Variants in FSTL4 observed in about 807,000 individuals in gnomAD.
The protein encoded by FSTL4 is follistatin-related protein 4.
A neutral mutation model predicts 78.2 loss-of-function variants in FSTL4; 28 were observed. The ratio of observed to expected loss-of-function variants is 0.36; its 90% CI spans 0.27 to 0.49. The LOEUF is 0.49. Among genes scored for constraint, FSTL4 ranks in the 20% least tolerant of loss-of-function variants. FSTL4 has a pLI of 0.98. For missense variants in FSTL4, 922 were observed against 1,084.9 expected (o/e 0.85, Z 2.11); for synonymous variants, 422 against 440.5 (o/e 0.96, Z 0.53).
intron 3 of FSTL4, among the ~76,000 whole-genome samples, chr5:133,458,599 C>T (rs999495148): frequency 2.6e-5 from 4 of 152,258 alleles, no homozygotes; most frequent in Admixed American, 1.3e-4. Flanking sequence ...CGTCCTTCTG[C>T]ATCTGGCAAG....
At chr5:133,304,494 A>G (rs914813856) in intron 6 of FSTL4, among the ~76,000 whole-genome samples, 2 of 152,212 alleles carry the variant, frequency 1.3e-5, no homozygotes, top group Non-Finnish European at 2.9e-5. Flanking sequence ...CCAAAGCTTC[A>G]TATTTTAATG....
chr5:133,797,369 T>G, the FSTL4 span, among the ~76,000 whole-genome samples: 2 of 152,244 alleles, frequency 1.3e-5, no homozygotes, highest in Non-Finnish European at 2.9e-5. Context: ...ATGTTTTGAA[T>G]TAAGATAAGG....
chr5:133,622,609 A>G, the FSTL4 span, among the ~76,000 whole-genome samples: 2 of 152,054 alleles, frequency 1.3e-5, no homozygotes, highest in Non-Finnish European at 2.9e-5. Flanking sequence ...TGTTGTCACT[A>G]TTTTTTATTT....
At chr5:133,341,244 T>TTA (rs1754574746) in intron 4 of FSTL4, among the ~76,000 whole-genome samples, 1 of 149,812 alleles carries the variant, frequency 6.7e-6, no homozygotes, top group Non-Finnish European at 1.5e-5. Flanking sequence ...TTTTTTTTTT[T>TTA]ACTTAGGGGA....
rs1228288714 is a variant in FSTL4 at position 133,593,911 on chromosome 5, T to C, written c.126+9947A>G. 5.2e-5 allele frequency among the ~76,000 whole-genome samples: 6 copies of C among 115,374 alleles called. No homozygotes were observed. The South Asian group carries it at 1.1e-3, about 22-fold the overall frequency. 75.7% of individuals were successfully genotyped at this position (115,374 alleles called of 152,430 possible). On this transcript the variant is annotated intron_variant, in intron 2 of 15. Coordinates refer to ENST00000265342, the MANE Select transcript of FSTL4 (RefSeq NM_015082.2). ...CTCCTACCTCCCACCCCCACCCCAATGGCCCTCAAGCCTCAAGGATAGAAT... is the reference window on the plus strand; with the variant it reads ...CTCCTACCTCCCACCCCCACCCCAACGGCCCTCAAGCCTCAAGGATAGAAT...
At chr5:133,825,347 T>C in the FSTL4 span, among the ~76,000 whole-genome samples, 57 of 152,358 alleles carry the variant, frequency 3.7e-4, no homozygotes, top group Non-Finnish European at 4.6e-4. Flanking sequence ...TCTGGAATCT[T>C]GAACTCATTT....
At chr5:133,483,259 T>C (rs938936659) in intron 3 of FSTL4, among the ~76,000 whole-genome samples, 2 of 152,210 alleles carry the variant, frequency 1.3e-5, no homozygotes, top group Non-Finnish European at 2.9e-5. Context: ...TAAATCTCTT[T>C]TTCTTTGTAA....
chr5:133,475,009 G>C (rs533054772), intron 3 of FSTL4, among the ~76,000 whole-genome samples: 54 of 152,334 alleles, frequency 3.5e-4, no homozygotes, highest in African/African-American at 1.2e-3. Context: ...TCAGCAGAGA[G>C]AGAATAAAAA....
chr5:133,816,093 A>G, the FSTL4 span, among the ~76,000 whole-genome samples: 1 of 152,220 alleles, frequency 6.6e-6, no homozygotes, highest in East Asian at 1.9e-4. Context: ...TAGGATCTTC[A>G]TTCATGGAGA....
At chr5:133,343,110 G>A (rs970603081) in intron 4 of FSTL4, among the ~76,000 whole-genome samples, 3 of 152,146 alleles carry the variant, frequency 2.0e-5, no homozygotes, top group Non-Finnish European at 4.4e-5. Flanking sequence ...TGATTATTGT[G>A]CATCATCACA....
At chr5:133,287,822 C>T (rs1313774243) in intron 6 of FSTL4, among the ~76,000 whole-genome samples, 1 of 152,228 alleles carries the variant, frequency 6.6e-6, no homozygotes, top group African/African-American at 2.4e-5. Flanking sequence ...TCCAATCACA[C>T]ACATCCTTCT....
chr5:133,818,931 C>CTATATATATA, the FSTL4 span, among the ~76,000 whole-genome samples: 7,550 of 61,752 alleles, frequency 0.12, 1,852 homozygotes, highest in South Asian at 0.35. Flanking sequence ...TTAGAAGATA[C>CTATATATATA]TATATATATA....
chr5:133,302,488 C>T (rs769219739), intron 6 of FSTL4, among the ~76,000 whole-genome samples: 5 of 152,198 alleles, frequency 3.3e-5, no homozygotes, highest in East Asian at 1.9e-4. Context: ...CCTCTTACCT[C>T]GGGCCTCCTT....
At chr5:133,712,660 C>T in the FSTL4 span, among the ~76,000 whole-genome samples, 4 of 152,318 alleles carry the variant, frequency 2.6e-5, no homozygotes, top group Admixed American at 2.0e-4. Context: ...GGGAACCTCC[C>T]CACTGGGTTA....
At chr5:133,355,627 G>C (rs1324201028) in intron 4 of FSTL4, among the ~76,000 whole-genome samples, 1 of 152,184 alleles carries the variant, frequency 6.6e-6, no homozygotes, top group Admixed American at 6.5e-5. Context: ...CTGCACTCCA[G>C]CCTGGGCGAC....
intron 7 of FSTL4, among the ~76,000 whole-genome samples, chr5:133,238,324 G>A (rs896807957): frequency 2.6e-5 from 4 of 152,178 alleles, no homozygotes; most frequent in South Asian, 2.1e-4. Flanking sequence ...CTTTGTGGGA[G>A]GAGGGAGCAA....
chr5:133,561,204 A>T (rs1030194434), intron 3 of FSTL4, among the ~76,000 whole-genome samples: 3 of 151,924 alleles, frequency 2.0e-5, no homozygotes, highest in African/African-American at 7.3e-5. Context: ...TTGGAGACAG[A>T]AGAATGAACT....
intron 3 of FSTL4, among the ~76,000 whole-genome samples, chr5:133,537,783 C>CTT (rs564756283): frequency 0.1 from 14,984 of 148,984 alleles, 1,126 homozygotes; most frequent in African/African-American, 0.22. Flanking sequence ...TTCTCTCTCA[C>CTT]ATATATATAT....
chr5:133,630,614 G>T, the FSTL4 span, among the ~76,000 whole-genome samples: 1 of 152,106 alleles, frequency 6.6e-6, no homozygotes, highest in African/African-American at 2.4e-5. Context: ...AGCTACCACT[G>T]ACTTTCTTTA....
Sources: gnomAD v4.1 joint callset for allele counts (sites outside exome capture counted in the v4.1 genomes callset) on GRCh38, gnomAD v4.1.1 for gene constraint, MANE v1.5 for transcripts, NCBI Gene and HGNC (gene_info 2026-07-23, HGNC 2026-07-21) for gene names.